EIF2AK3: variants seen among roughly 807,000 people sequenced by gnomAD.
EIF2AK3 encodes the protein eukaryotic translation initiation factor 2 alpha kinase 3.
A neutral mutation model predicts 113.5 loss-of-function variants in EIF2AK3; 50 were observed. The ratio of observed to expected loss-of-function variants is 0.44; its 90% CI spans 0.35 to 0.56. The LOEUF (loss-of-function observed/expected upper bound fraction) is 0.56. Among genes scored for constraint, EIF2AK3 ranks in the 20% least tolerant of loss-of-function variants. The pLI, the probability that EIF2AK3 is intolerant of heterozygous loss-of-function variation, is 0.00. For synonymous variants in EIF2AK3, 448 were observed against 495.4 expected, an observed-to-expected ratio of 0.90 and a Z score of 1.27; for missense variants, 1,185 against 1,378.0, an observed-to-expected ratio of 0.86 and a Z score of 2.22.
Position 88,586,026 on chromosome 2 carries a change from T to A in EIF2AK3, c.1465A>T (p.Arg489Trp), listed in dbSNP as rs1674721560. 1.2e-6 allele frequency: 2 copies of A among 1,614,096 alleles called. No individual in the cohort carries two copies. Among genetic ancestry groups the A allele is most frequent in the Non-Finnish European group, 1.7e-6 (2 of 1,179,964 alleles). Residue 489 changes from arginine to tryptophan, a missense_variant, in exon 9 of 17, where the codon AGG (arginine) becomes TGG (tryptophan). Physicochemically the swap from Arg to Trp is moderately radical, Grantham distance 101 (BLOSUM62 -3). This residue lies in a region of EIF2AK3 where 877 missense variants were observed against 1,024.2 expected (regional missense o/e 0.86). Transcript: ENST00000303236. ...GYYLPYYKRE[R>W]NKRSTQITVR... ...GTAATCTGTGTGCTTCGTTTGTTCCTCTCCCTCTTGTAGTATGGTAGATAA... is the reference window on the plus strand; with the variant it reads ...GTAATCTGTGTGCTTCGTTTGTTCCACTCCCTCTTGTAGTATGGTAGATAA...
chr2:88,626,776 G>A lies in EIF2AK3; in HGVS notation c.308+191C>T, dbSNP rs181382432. 6.0e-4 allele frequency among the ~76,000 whole-genome samples: 91 copies of A among 152,378 alleles called. No individual in the cohort carries two copies. The East Asian group carries it at 0.016, about 26-fold the overall frequency. ...GGCCAGCACCAGGCCCTCGGGAGCCGAGCCCAGGCAGGTCGCTGGCCGGGG... is the reference window on the plus strand; with the variant it reads ...GGCCAGCACCAGGCCCTCGGGAGCCAAGCCCAGGCAGGTCGCTGGCCGGGG... On this transcript the variant is annotated intron_variant, in intron 1 of 16. Transcript: ENST00000303236.
At chr2:88,602,436 G>A (rs1187767240) in intron 2 of EIF2AK3, among the ~76,000 whole-genome samples, 1 of 152,074 alleles carries the variant, frequency 6.6e-6, no homozygotes, top group African/African-American at 2.4e-5. Context: ...AAGGAGAAGA[G>A]GGGGTAAGAA....
intron 11 of EIF2AK3, among the ~76,000 whole-genome samples, chr2:88,577,112 T>C (rs1674482298): frequency 6.6e-6 from 1 of 151,584 alleles, no homozygotes; most frequent in Non-Finnish European, 1.5e-5. Context: ...GCCTCCCGAG[T>C]AGCTGGGATT....
intron 2 of EIF2AK3, among the ~76,000 whole-genome samples, chr2:88,610,105 G>C (rs1372334957): frequency 6.6e-6 from 1 of 152,156 alleles, no homozygotes; most frequent in East Asian, 1.9e-4. Flanking sequence ...CTGGGCAACA[G>C]AGTGAGACCC....
chr2:88,574,397 C>G, intron 13 of EIF2AK3: 1 of 484,930 alleles, frequency 2.1e-6, no homozygotes, highest in Non-Finnish European at 3.7e-6. Context: ...TTTTTTTTCC[C>G]TCACCTGGAC....
chr2:88,568,204 A>G (rs1210249713), intron 14 of EIF2AK3, among the ~76,000 whole-genome samples: 2 of 152,210 alleles, frequency 1.3e-5, no homozygotes, highest in Admixed American at 6.5e-5. Context: ...CTCTGATATA[A>G]TCTTTCAAAG....
chr2:88,611,494 C>A (rs1675454312), intron 2 of EIF2AK3, among the ~76,000 whole-genome samples: 1 of 152,074 alleles, frequency 6.6e-6, no homozygotes, highest in South Asian at 2.1e-4. Flanking sequence ...TGTTTCAATA[C>A]CTTCAGATTT....
At position 88,590,553 on chromosome 2, in the gene EIF2AK3, G is replaced by C. The variant is rs1380818081; in HGVS notation, c.1055C>G (p.Pro352Arg). The change falls in exon 6 of 17, where the codon CCC becomes CGC. Residue 352 changes from proline (P) to arginine (R), a missense_variant. Pro to Arg is a moderately radical substitution (Grantham distance 103). Coordinates refer to ENST00000303236, the MANE Select transcript of EIF2AK3 (RefSeq NM_004836.7). Reference sequence around the variant, plus strand: ...ACTTGTATCATCAAAAAGACTGATGGGAATGACTTTCCCATCCTTAAGTAA... The same window carrying C: ...ACTTGTATCATCAAAAAGACTGATGCGAATGACTTTCCCATCCTTAAGTAA... ...AWLLKDGKVI[P>R]ISLFDDTSYT... 1 of 1,613,362 alleles carries C rather than the reference G, an allele frequency of 6.2e-7. No homozygotes were observed. Among genetic ancestry groups the C allele is most frequent in the Non-Finnish European group, 8.5e-7 (1 of 1,179,894 alleles).
At chr2:88,613,481 C>G (rs1675500904) in intron 2 of EIF2AK3, among the ~76,000 whole-genome samples, 2 of 152,114 alleles carry the variant, frequency 1.3e-5, no homozygotes, top group Admixed American at 6.5e-5. Context: ...GTATCCTCAG[C>G]TGCTCACTTA....
At chr2:88,572,273 C>G (rs1383551192) in intron 13 of EIF2AK3, among the ~76,000 whole-genome samples, 1 of 152,162 alleles carries the variant, frequency 6.6e-6, no homozygotes, top group Non-Finnish European at 1.5e-5. Context: ...ATTTACTGAA[C>G]CCTATAATAG....
intron 14 of EIF2AK3, among the ~76,000 whole-genome samples, chr2:88,567,906 G>A (rs766585917): frequency 2.6e-5 from 4 of 151,928 alleles, no homozygotes; most frequent in Non-Finnish European, 5.9e-5. Flanking sequence ...ACACATTTCT[G>A]CATTTTGTTT....
At chr2:88,583,408 T>A in intron 10 of EIF2AK3, 22 bp downstream of exon 10, 2 of 1,560,960 alleles carry the variant, frequency 1.3e-6, no homozygotes, top group Non-Finnish European at 1.8e-6. Flanking sequence ...ATTCAGATGG[T>A]TGTATTTTAT....
chr2:88,618,788 G>A (rs1358567975), intron 1 of EIF2AK3, among the ~76,000 whole-genome samples: 1 of 152,160 alleles, frequency 6.6e-6, no homozygotes, highest in Non-Finnish European at 1.5e-5. Flanking sequence ...TTATTTGGAT[G>A]ATTCCTCAGC....
At chr2:88,559,475 G>A (rs1673879229) in intron 15 of EIF2AK3, among the ~76,000 whole-genome samples, 1 of 151,558 alleles carries the variant, frequency 6.6e-6, no homozygotes, top group Non-Finnish European at 1.5e-5. Flanking sequence ...TCCACAGGGA[G>A]TCCTGGAACC....
At chr2:88,625,589 C>T (rs1226712779) in intron 1 of EIF2AK3, among the ~76,000 whole-genome samples, 4 of 152,162 alleles carry the variant, frequency 2.6e-5, no homozygotes, top group African/African-American at 9.7e-5. Context: ...TCGTTTCATC[C>T]GTACTGTTAG....
chr2:88,566,045 A>G (rs1291148320), intron 14 of EIF2AK3, among the ~76,000 whole-genome samples: 1 of 152,238 alleles, frequency 6.6e-6, no homozygotes, highest in Middle Eastern at 3.4e-3. Context: ...TCCCCCCTTA[A>G]GTAGGTATCT....
intron 13 of EIF2AK3, among the ~76,000 whole-genome samples, chr2:88,572,765 A>C (rs547335877): frequency 2.6e-5 from 4 of 152,352 alleles, no homozygotes; most frequent in Admixed American, 6.5e-5. Context: ...GACCATCTAG[A>C]ACATTCAGGC....
intron 16 of EIF2AK3, among the ~76,000 whole-genome samples, chr2:88,558,367 T>G (rs944162575): frequency 6.6e-6 from 1 of 152,222 alleles, no homozygotes; most frequent in South Asian, 2.1e-4. Flanking sequence ...ATAGAAATTT[T>G]AATTAGAAAA....
At position 88,585,958 on chromosome 2, in the gene EIF2AK3, G is replaced by A. The variant is rs1486279252; in HGVS notation, c.1533C>T (p.Arg511=). 1.2e-6 allele frequency: 2 copies of A among 1,614,078 alleles called. No individual in the cohort carries two copies. Among genetic ancestry groups the A allele is most frequent in the Non-Finnish European group, 1.7e-6 (2 of 1,179,966 alleles). The change falls in exon 9 of 17, where the codon CGC becomes CGT. Residue 511 remains arginine (R), a synonymous_variant. Coordinates refer to ENST00000303236, the MANE Select transcript of EIF2AK3 (RefSeq NM_004836.7). ...GTAAAAGAAGAACAGGATCCTTTTT[G>A]CGGATATTCTTGTTGTAATGTGGGT... ...LDNPHYNKNI[R]KKDPVLLLHW... is the part of the protein sequence containing the mutation.
Sources: gnomAD v4.1 joint callset for allele counts (sites outside exome capture counted in the v4.1 genomes callset) on GRCh38, gnomAD v4.1.1 for gene constraint, gnomAD v4.1.1 regional missense constraint, MANE v1.5 for transcripts, NCBI Gene and HGNC (gene_info 2026-07-23, HGNC 2026-07-21) for gene names.